Variants in PPP2R5C observed in about 807,000 individuals in gnomAD.
PPP2R5C encodes the protein protein phosphatase 2 regulatory subunit B'gamma.
A neutral mutation model predicts 68.9 loss-of-function variants in PPP2R5C; 7 were observed. The observed-to-expected ratio is 0.10, with a 90% confidence interval of 0.06 to 0.19. The LOEUF (loss-of-function observed/expected upper bound fraction) is 0.19, where lower values mean the gene tolerates loss of function less well. Among genes scored for constraint, PPP2R5C ranks in the 10% least tolerant of loss-of-function variants. The pLI, the probability that PPP2R5C is intolerant of heterozygous loss-of-function variation, is 1.00. For synonymous variants in PPP2R5C, 210 were observed against 222.2 expected (o/e 0.95, Z 0.49); for missense variants, 348 against 641.3 (o/e 0.54, Z 4.94).
In PPP2R5C at chr14:101,823,922, G is replaced by T. The variant is rs2040240991; in HGVS notation, c.94+13886G>T. The T allele has an allele frequency of 4.7e-6, 6 of 1,281,084 alleles. No individual in the cohort carries two copies. In the Admixed American group the frequency reaches 9.3e-5, roughly 20 times the overall value. The allele number at this position is 1,281,084 out of a possible 1,614,324, so 79.4% of individuals were successfully genotyped here. A position where few individuals can be genotyped will look rare whatever the true frequency, so the allele number is the denominator to read the frequency against. On this transcript the variant is annotated intron_variant, in intron 1 of 13. Transcript: ENST00000334743. ...GGTGTCATCTAGAAAAACAAGAGAT[G>T]CAGATTCTGGGTCACGAAGGTAAGG...
chr14:101,883,927 G>A (rs1003584206), intron 5 of PPP2R5C, among the ~76,000 whole-genome samples: 7 of 152,200 alleles, frequency 4.6e-5, no homozygotes, highest in Non-Finnish European at 8.8e-5. Flanking sequence ...AGGACAGGAC[G>A]CATAGGATAG....
At chr14:101,796,630 CCCAG>C in intron 3 of PPP2R5C, 2 of 156,988 alleles carry the variant, frequency 1.3e-5, no homozygotes, top group Non-Finnish European at 2.8e-5. Flanking sequence ...ACAGCCTGAG[CCCAG>C]CCAGCCAGCC....
intron 13 of PPP2R5C, among the ~76,000 whole-genome samples, chr14:101,923,865 T>C (rs2047143935): frequency 8.4e-6 from 1 of 119,060 alleles, no homozygotes; most frequent in African/African-American, 4.0e-5. Flanking sequence ...GGAAAATGTA[T>C]TTTACATCCA....
At chr14:101,856,617 A>T in intron 1 of PPP2R5C, 69 bp from the exon 4 acceptor site, 4 of 1,361,382 alleles carry the variant, frequency 2.9e-6, no homozygotes, top group Non-Finnish European at 4.2e-6. Flanking sequence ...AAGAAAGCTT[A>T]AATGTGTTTC....
chr14:101,826,199 G>A (rs902565738), intron 1 of PPP2R5C, among the ~76,000 whole-genome samples: 1 of 152,144 alleles, frequency 6.6e-6, no homozygotes, highest in Non-Finnish European at 1.5e-5. Context: ...TATGCTTATG[G>A]TGTCATAGCT....
rs1314468508 is a variant in PPP2R5C at position 101,899,891 on chromosome 14, T to G, written c.853-1828T>G. ...AACTAGCAGCACTTCCTTTTTTATTTTTATTTGGCTCTTTTGGGGTTTTTG... is the reference window on the plus strand; with the variant it reads ...AACTAGCAGCACTTCCTTTTTTATTGTTATTTGGCTCTTTTGGGGTTTTTG... On this transcript the variant is annotated intron_variant, in intron 8 of 13. Coordinates refer to ENST00000334743, the Ensembl canonical transcript of PPP2R5C. The surrounding 1 kb of genome is among the most constrained non-coding windows in gnomAD (Gnocchi z 4.2). 6.6e-6 allele frequency among the ~76,000 whole-genome samples: 1 copy of G among 152,190 alleles called. No individual in the cohort carries two copies.
At chr14:101,852,469 C>CTTTTTTTTTTTTTTTTTTTTTTTTTTTT (rs559509845) in intron 1 of PPP2R5C, among the ~76,000 whole-genome samples, 1 of 115,106 alleles carries the variant, frequency 8.7e-6, no homozygotes, top group African/African-American at 3.3e-5. Flanking sequence ...TTTTCTTTTT[C>CTTTTTTTTTTTTTTTTTTTTTTTTTTTT]TTTTTTTTTT....
At chr14:101,806,999 T>C (rs2039103840), upstream of PPP2R5C, among the ~76,000 whole-genome samples, 1 of 152,190 alleles carries the variant, frequency 6.6e-6, no homozygotes, top group Non-Finnish European at 1.5e-5. Flanking sequence ...ATTTTTAATA[T>C]GAGCGCTATT....
At chr14:101,884,978 C>T (rs942046703) in intron 5 of PPP2R5C, among the ~76,000 whole-genome samples, 4 of 152,278 alleles carry the variant, frequency 2.6e-5, no homozygotes, top group African/African-American at 7.2e-5. Context: ...TGAGCAGTTT[C>T]TTCTACAAGT....
At chr14:101,923,361 C>G (rs1488193715) in intron 13 of PPP2R5C, among the ~76,000 whole-genome samples, 4 of 152,174 alleles carry the variant, frequency 2.6e-5, no homozygotes, top group Non-Finnish European at 5.9e-5. Context: ...TATGTTTCTT[C>G]TCTTTGGAGT....
intron 3 of PPP2R5C, among the ~76,000 whole-genome samples, chr14:101,803,642 T>G (rs559954302): frequency 6.6e-6 from 1 of 151,778 alleles, no homozygotes; most frequent in South Asian, 2.1e-4. Context: ...CAGAATCACT[T>G]GAACCCGGGA....
At chr14:101,793,611 A>G (rs1026048443) in intron 3 of PPP2R5C, among the ~76,000 whole-genome samples, 1 of 152,210 alleles carries the variant, frequency 6.6e-6, no homozygotes, top group African/African-American at 2.4e-5. Flanking sequence ...TGATCCCTGA[A>G]GCCCCAGAGA....
At chr14:101,905,828 C>T (rs1043770804) in intron 9 of PPP2R5C, among the ~76,000 whole-genome samples, 2 of 152,280 alleles carry the variant, frequency 1.3e-5, no homozygotes, top group African/African-American at 4.8e-5. Context: ...CCTCTCCTCC[C>T]TCTGGTCCTT....
rs2040333494 is a variant in PPP2R5C at position 101,825,307 on chromosome 14, G to A, written c.94+15271G>A. On this transcript the variant is annotated intron_variant, in intron 1 of 13. Transcript: ENST00000334743. The surrounding 1 kb of genome is among the most constrained non-coding windows in gnomAD (Gnocchi z 4.0). ...AGAAGGCATAGCATTAAAAGTGGGA[G>A]ACATATACTGATAATGGAATCCGGG... is the stretch of plus-strand genomic sequence containing the variant. 1.3e-5 allele frequency among the ~76,000 whole-genome samples: 2 copies of A among 151,878 alleles called. No individual in the cohort carries two copies. Among genetic ancestry groups the A allele is most frequent in the Admixed American group, 1.3e-4 (2 of 15,218 alleles).
chr14:101,914,724 C>T (rs1211312427), intron 12 of PPP2R5C, among the ~76,000 whole-genome samples: 1 of 152,188 alleles, frequency 6.6e-6, no homozygotes, highest in East Asian at 1.9e-4. Context: ...CTTATTTGAG[C>T]AGTTATGGCA....
At chr14:101,770,478 C>T (rs1304072498) in intron 2 of PPP2R5C, among the ~76,000 whole-genome samples, 1 of 152,146 alleles carries the variant, frequency 6.6e-6, no homozygotes, top group Non-Finnish European at 1.5e-5. Flanking sequence ...AGATGGAACC[C>T]ATTTCATGTA....
In PPP2R5C at chr14:101,789,407, G is replaced by C. The variant is rs567988374; in HGVS notation, c.259+3224G>C. The stretch of plus-strand genomic sequence containing the variant: ...ACTCTTCCCGGACCCATGCAGGCTG[G>C]TTGGCGCCATGCCAGTGCATGCTGG... On this transcript the variant is annotated intron_variant, in intron 3 of 14. Coordinates refer to the PPP2R5C transcript ENST00000328724. Among the ~76,000 whole-genome samples, 4 of 152,336 alleles carry C rather than the reference G, an allele frequency of 2.6e-5. No individual in the cohort carries two copies. The South Asian group carries it at 6.2e-4, about 24-fold the overall frequency.
chr14:101,836,086 C>A (rs2140372964), intron 1 of PPP2R5C: 1 of 627,400 alleles, frequency 1.6e-6, no homozygotes, highest in South Asian at 1.8e-5. Flanking sequence ...TTTTTAATTA[C>A]TTAAGGAAAT....
intron 2 of PPP2R5C, among the ~76,000 whole-genome samples, chr14:101,868,582 T>G (rs919212662): frequency 1.1e-4 from 17 of 152,160 alleles, no homozygotes; most frequent in African/African-American, 4.1e-4. Flanking sequence ...AATATCAAAT[T>G]TTACACTTTA....
Sources: gnomAD v4.1 joint callset for allele counts (sites outside exome capture counted in the v4.1 genomes callset) on GRCh38, gnomAD v4.1.1 for gene constraint, Gnocchi (gnomAD v3.1) non-coding constraint, MANE v1.5 for transcripts, NCBI Gene and HGNC (gene_info 2026-07-23, HGNC 2026-07-21) for gene names.